NDRG2: variants seen among roughly 807,000 people sequenced by gnomAD.
NDRG2 encodes protein NDRG2.
A neutral mutation model predicts 58.2 loss-of-function variants in NDRG2; 34 were observed. The ratio of observed to expected loss-of-function variants is 0.58; its 90% CI spans 0.44 to 0.78. NDRG2 has a LOEUF of 0.78. Among genes scored for constraint, NDRG2 ranks in the 30% least tolerant of loss-of-function variants. The pLI, the probability that NDRG2 is intolerant of heterozygous loss-of-function variation, is 0.00. For missense variants in NDRG2, 434 were observed against 471.2 expected, an observed-to-expected ratio of 0.92 and a Z score of 0.73; for synonymous variants, 187 against 175.9, an observed-to-expected ratio of 1.06 and a Z score of -0.50.
At chr14:21,036,710 C>A (rs1884649843) in intron 1 of NDRG2, among the ~76,000 whole-genome samples, 2 of 152,210 alleles carry the variant, frequency 1.3e-5, no homozygotes, top group African/African-American at 4.8e-5. Flanking sequence ...ACCTGGAACC[C>A]TGCTGCTGCA....
In NDRG2 at chr14:21,070,308, C is replaced by A; in HGVS notation, c.24+520G>T. On this transcript the variant is annotated intron_variant, in intron 1 of 14. Transcript: ENST00000403829. The surrounding 1 kb of genome is among the most constrained non-coding windows in gnomAD (Gnocchi z 4.7). ...GGCCGGAGCTGTCCCTTAGCCAGAC[C>A]CGGCGAGACACGAGCGGCGGGAGGG... 2.2e-6 allele frequency: 3 copies of A among 1,363,242 alleles called. No homozygotes were observed. Among genetic ancestry groups the A allele is most frequent in the Non-Finnish European group, 2.8e-6 (3 of 1,055,932 alleles). The allele number at this position is 1,363,242 out of a possible 1,614,324, so 84.4% of individuals were successfully genotyped here.
upstream of NDRG2, chr14:21,030,813 G>C: frequency 1.3e-6 from 2 of 1,587,454 alleles, no homozygotes; most frequent in Non-Finnish European, 1.7e-6. Flanking sequence ...AGTTGGCCAC[G>C]GAAGGGTTCA....
intron 1 of NDRG2, chr14:21,035,655 G>T: frequency 7.2e-6 from 3 of 414,714 alleles, no homozygotes; most frequent in South Asian, 5.4e-5. Context: ...CAGGAGGAGG[G>T]AGTAAGGCCG....
At chr14:21,040,895 A>G (rs929306344) in intron 1 of NDRG2, among the ~76,000 whole-genome samples, 1 of 152,212 alleles carries the variant, frequency 6.6e-6, no homozygotes, top group Non-Finnish European at 1.5e-5. Flanking sequence ...CACTTTGAGC[A>G]AAGTATACGT....
chr14:21,032,477 A>G (rs968799544), intron 1 of NDRG2: 7 of 387,360 alleles, frequency 1.8e-5, no homozygotes, highest in Non-Finnish European at 3.6e-5. Context: ...GTGATGGACT[A>G]TGACTATATC....
rs1882834485 is a variant in NDRG2, at chr14:21,024,725, C to T, written c.-702G>A. On this transcript the variant is annotated 5_prime_UTR_variant, in exon 1 of 16. Transcript: ENST00000556147. ...AAGGGATGGGTAGGACAGAGGAGAC[C>T]GGCCGGGCCCAGCACCCGGAACCCG... is the stretch of plus-strand genomic sequence containing the variant. The T allele has an allele frequency of 1.2e-5, 12 of 985,442 alleles. No homozygotes were observed. Among genetic ancestry groups the T allele is most frequent in the Non-Finnish European group, 1.4e-5 (12 of 829,968 alleles). The allele number at this position is 985,442 out of a possible 1,614,324, so 61.0% of individuals were successfully genotyped here.
At chr14:21,058,018 T>G in intron 1 of NDRG2, 1 of 1,614,108 alleles carries the variant, frequency 6.2e-7, no homozygotes, top group African/African-American at 1.3e-5. Context: ...AAACTCAGCA[T>G]GTGCAGCCCA....
intron 1 of NDRG2, chr14:21,034,296 G>T: frequency 6.2e-7 from 1 of 1,602,108 alleles, no homozygotes; most frequent in Non-Finnish European, 8.5e-7. Flanking sequence ...CATTCCTCCT[G>T]CTGGTAGAGT....
intron 1 of NDRG2, among the ~76,000 whole-genome samples, chr14:21,044,746 C>T (rs1317118902): frequency 6.6e-6 from 1 of 152,168 alleles, no homozygotes; most frequent in Non-Finnish European, 1.5e-5. Context: ...TATCTCAGTC[C>T]CAAACAAGCT....
chr14:21,058,872 T>C (rs929739079), intron 1 of NDRG2, among the ~76,000 whole-genome samples: 11 of 152,128 alleles, frequency 7.2e-5, no homozygotes, highest in Admixed American at 7.2e-4. Context: ...TGTGTTACTG[T>C]CTTGGGGTAA....
intron 1 of NDRG2, among the ~76,000 whole-genome samples, chr14:21,037,338 C>G (rs1027003577): frequency 6.6e-6 from 1 of 152,218 alleles, no homozygotes; most frequent in East Asian, 1.9e-4. Context: ...GTCATGTGCT[C>G]CGTAAGCCTG....
intron 1 of NDRG2, chr14:21,031,079 C>T (rs565764016): frequency 1.4e-5 from 22 of 1,614,124 alleles, no homozygotes; most frequent in Middle Eastern, 1.7e-4. Context: ...GGGCCAGAAG[C>T]GCTTCAAAGG....
chr14:21,042,953 C>A (rs1156572817), intron 1 of NDRG2: 3 of 1,561,616 alleles, frequency 1.9e-6, no homozygotes, highest in Non-Finnish European at 2.6e-6. Flanking sequence ...TCTGTCCCAG[C>A]GACCCCTGCC....
rs561011054 is a variant in NDRG2 at position 21,018,998 on chromosome 14, G to A, written c.761+118C>T. 7.8e-5 allele frequency: 100 copies of A among 1,283,442 alleles called. 1 individual carries two copies. Among genetic ancestry groups the A allele is most frequent in the South Asian group, 3.9e-4 (28 of 71,750 alleles). The allele number at this position is 1,283,442 out of a possible 1,614,324, so 79.5% of individuals were successfully genotyped here. ...TAGAGGGAAGTGATTTACCAAATAG[G>A]ATGGGGTGGGACATGACAAGGAAGT... On this transcript the variant is annotated intron_variant, in intron 11 of 15. Transcript: ENST00000556147.
intron 1 of NDRG2, among the ~76,000 whole-genome samples, chr14:21,066,122 A>C (rs1222902004): frequency 6.6e-6 from 1 of 152,014 alleles, no homozygotes; most frequent in Non-Finnish European, 1.5e-5. Flanking sequence ...ACAACAACAA[A>C]AACCTGAAAA....
At chr14:21,062,829 C>T (rs368023172) in intron 1 of NDRG2, among the ~76,000 whole-genome samples, 5 of 151,144 alleles carry the variant, frequency 3.3e-5, no homozygotes, top group Non-Finnish European at 7.4e-5. Context: ...GCAACCTCCA[C>T]CTCCCAGGTT....
chr14:21,029,650 T>C (rs1883926973), upstream of NDRG2, among the ~76,000 whole-genome samples: 1 of 152,046 alleles, frequency 6.6e-6, no homozygotes, highest in Non-Finnish European at 1.5e-5. Context: ...AAAGTCATGG[T>C]ATTAGGAGAT....
upstream of NDRG2, chr14:21,025,225 G>C (rs994581659): frequency 1.1e-5 from 9 of 854,592 alleles, no homozygotes; most frequent in Non-Finnish European, 1.3e-5. This position sits in a 1 kb window ranked among gnomAD's most constrained non-coding sequence, Gnocchi z 5.1. Context: ...AAAGGGTTGT[G>C]CTGGGGCCGG....
At position 21,042,042 on chromosome 14, in the gene NDRG2, A is replaced by G. The variant is rs563952441; in HGVS notation, c.25-18721T>C. Among the ~76,000 whole-genome samples the G allele has an allele frequency of 6.6e-5, 10 of 152,354 alleles. No individual in the cohort carries two copies. The East Asian group carries it at 1.9e-3, about 29-fold the overall frequency. On this transcript the variant is annotated intron_variant, in intron 1 of 14. Transcript: ENST00000403829. ...CCAGGATCAAGGGCCAGAAGTGTATATGAGAGGATATGAATGACAACTCTT... is the reference window on the plus strand; with the variant it reads ...CCAGGATCAAGGGCCAGAAGTGTATGTGAGAGGATATGAATGACAACTCTT...
Sources: gnomAD v4.1 joint callset for allele counts (sites outside exome capture counted in the v4.1 genomes callset) on GRCh38, gnomAD v4.1.1 for gene constraint, Gnocchi (gnomAD v3.1) non-coding constraint, MANE v1.5 for transcripts, NCBI Gene and HGNC (gene_info 2026-07-23, HGNC 2026-07-21) for gene names.